The following COL4A4 variants were observed in gnomAD, a reference collection of about 807,000 sequenced individuals.
The protein encoded by COL4A4 is collagen alpha-4(IV) chain.
A neutral mutation model predicts 192.9 loss-of-function variants in COL4A4; 105 were observed. That is an observed-to-expected ratio of 0.54 (90% CI 0.46 to 0.64). The LOEUF is 0.64. Ranked by LOEUF, COL4A4 falls within the 30% of genes least tolerant of loss-of-function variation. The probability of loss-of-function intolerance (pLI) is 0.00; values close to 1 mark genes in which losing one functional copy is unlikely to be tolerated. For missense variants in COL4A4, 1,967 were observed against 2,169.3 expected (o/e 0.91, Z 1.85); for synonymous variants, 762 against 769.9 (o/e 0.99, Z 0.17).
intron 25 of COL4A4, among the ~76,000 whole-genome samples, chr2:227,069,815 A>G (rs1349859949): frequency 2.0e-5 from 3 of 151,524 alleles, no homozygotes; most frequent in South Asian, 2.1e-4. Context: ...ATGGGCAAGG[A>G]CTTCATGTCT....
rs533989384 is a variant in COL4A4 at position 227,123,908 on chromosome 2, C to G, written c.193-2760G>C. On this transcript the variant is annotated intron_variant, in intron 4 of 47. Coordinates refer to ENST00000396625, the MANE Select transcript of COL4A4 (RefSeq NM_000092.5). This position sits in a 1 kb window ranked among gnomAD's most constrained non-coding sequence, Gnocchi z 4.6. The stretch of plus-strand genomic sequence containing the variant: ...CCTGGGTTTGAAGCCCAGGACCACA[C>G]TGACTTGCTGTGTGACCTTGGGTAT... Among the ~76,000 whole-genome samples the G allele has an allele frequency of 6.6e-6, 1 of 152,236 alleles. No individual in the cohort carries two copies. The highest frequency in any genetic ancestry group is 2.4e-5 in the African/African-American group (1 of 41,454).
intron 20 of COL4A4, among the ~76,000 whole-genome samples, chr2:227,093,797 CCTGGG>C (rs1480937045): frequency 6.6e-6 from 1 of 152,074 alleles, no homozygotes; most frequent in Non-Finnish European, 1.5e-5. Context: ...ATCGGCTCTC[CCTGGG>C]CAGTGGGCAA....
intron 37 of COL4A4, among the ~76,000 whole-genome samples, chr2:227,039,543 A>T (rs1420388919): frequency 6.6e-6 from 1 of 152,222 alleles, no homozygotes; most frequent in Non-Finnish European, 1.5e-5. Context: ...GGAAAGAAAG[A>T]TCAACAACAG....
Position 227,046,077 on chromosome 2 carries a change from A to G in COL4A4, c.3289+1398T>C, listed in dbSNP as rs547236316. Among the ~76,000 whole-genome samples the G allele has an allele frequency of 2.8e-4, 39 of 139,554 alleles. 1 individual carries two copies. Among genetic ancestry groups the G allele is most frequent in the Admixed American group, 2.7e-3 (36 of 13,496 alleles). The allele number at this position is 139,554 out of a possible 152,430, so 91.6% of individuals were successfully genotyped here. ...TATCTAAACATATATACATATATAT[A>G]TTTAGATATATATGTACATATATAT... is the stretch of plus-strand genomic sequence containing the variant. On this transcript the variant is annotated intron_variant, in intron 35 of 47. Transcript: ENST00000396625.
chr2:227,092,293 A>G (rs1486392771), intron 20 of COL4A4, among the ~76,000 whole-genome samples: 3 of 152,302 alleles, frequency 2.0e-5, no homozygotes, highest in South Asian at 2.1e-4. Context: ...CAGACAAGCA[A>G]GATCTCCCAA....
chr2:227,111,095 A>G (rs1461842847), intron 9 of COL4A4, among the ~76,000 whole-genome samples: 1 of 152,244 alleles, frequency 6.6e-6, no homozygotes, highest in East Asian at 1.9e-4. Flanking sequence ...ACAAAATTAT[A>G]AGTGAAGCAT....
intron 4 of COL4A4, among the ~76,000 whole-genome samples, chr2:227,135,775 T>A (rs1192538872): frequency 1.3e-5 from 2 of 152,154 alleles, no homozygotes; most frequent in African/African-American, 4.8e-5. Context: ...TCCAGGTAGC[T>A]GGGATTACAG....
intron 25 of COL4A4, among the ~76,000 whole-genome samples, chr2:227,066,893 A>G (rs1174179295): frequency 2.6e-5 from 4 of 151,530 alleles, no homozygotes; most frequent in Admixed American, 2.6e-4. Context: ...AAATGGACTA[A>G]ATGCTCCAAT....
chr2:227,155,920 C>G (rs555442700), intron 1 of COL4A4, among the ~76,000 whole-genome samples: 38 of 152,262 alleles, frequency 2.5e-4, no homozygotes, highest in African/African-American at 8.9e-4. Flanking sequence ...AAGTTTGTAG[C>G]CCCTGTGAAC....
intron 14 of COL4A4, 76 bp downstream of exon 14, chr2:227,103,068 A>C (rs909289187): frequency 1.5e-6 from 2 of 1,341,314 alleles, no homozygotes; most frequent in Non-Finnish European, 1.1e-6. Context: ...AATGATAAAG[A>C]CCATGAGAAA....
At chr2:227,058,278 G>C (rs1467288991) in intron 28 of COL4A4, among the ~76,000 whole-genome samples, 1 of 152,178 alleles carries the variant, frequency 6.6e-6, no homozygotes, top group Non-Finnish European at 1.5e-5. Context: ...GTGTATGTGT[G>C]TGTGTGTGTC....
chr2:227,117,145 T>C (rs1201553592), intron 7 of COL4A4, among the ~76,000 whole-genome samples: 1 of 152,238 alleles, frequency 6.6e-6, no homozygotes, highest in African/African-American at 2.4e-5. Flanking sequence ...TGCCTGGTCA[T>C]TCTTACTTTA....
At chr2:226,997,701 C>T in the COL4A4 span, 2 of 152,106 alleles carry the variant, frequency 1.3e-5, no homozygotes, top group Admixed American at 1.3e-4. Flanking sequence ...TACAAAGACA[C>T]GGGATTAGAT....
intron 1 of COL4A4, among the ~76,000 whole-genome samples, chr2:227,149,793 G>A (rs933939144): frequency 6.6e-6 from 1 of 152,200 alleles, no homozygotes; most frequent in African/African-American, 2.4e-5. Flanking sequence ...ACGTTCCAGA[G>A]AGGGAAGGCC....
intron 37 of COL4A4, among the ~76,000 whole-genome samples, chr2:227,041,140 G>A (rs1386038908): frequency 6.6e-6 from 1 of 152,022 alleles, no homozygotes; most frequent in Non-Finnish European, 1.5e-5. Flanking sequence ...ATCATGATCA[G>A]TAAATATATA....
At chr2:227,000,784 C>T (rs866059645), downstream of COL4A4, among the ~76,000 whole-genome samples, 13 of 152,014 alleles carry the variant, frequency 8.6e-5, no homozygotes, top group Middle Eastern at 0.01. Flanking sequence ...GGAGGGGACT[C>T]GGTGGGAGGT....
intron 41 of COL4A4, among the ~76,000 whole-genome samples, chr2:227,028,899 A>G (rs1199016055): frequency 6.6e-6 from 1 of 152,062 alleles, no homozygotes; most frequent in African/African-American, 2.4e-5. Context: ...GCCTCCAGGG[A>G]TCCTCACGCC....
intron 12 of COL4A4, 87 bp downstream of exon 12, chr2:227,108,494 A>G: frequency 2.3e-6 from 3 of 1,321,742 alleles, no homozygotes; most frequent in Non-Finnish European, 2.2e-6. Context: ...GATAATGAGT[A>G]CAAGTTCAAA....
the COL4A4 span, among the ~76,000 whole-genome samples, chr2:226,994,103 T>C: frequency 6.6e-6 from 1 of 152,208 alleles, no homozygotes; most frequent in East Asian, 1.9e-4. Context: ...ACCTTCCCAG[T>C]CTGCCTCTTC....
Sources: gnomAD v4.1 joint callset for allele counts (sites outside exome capture counted in the v4.1 genomes callset) on GRCh38, gnomAD v4.1.1 for gene constraint, Gnocchi (gnomAD v3.1) non-coding constraint, MANE v1.5 for transcripts, NCBI Gene and HGNC (gene_info 2026-07-23, HGNC 2026-07-21) for gene names.